The following PUM2 variants were observed in gnomAD, a reference collection of about 807,000 sequenced individuals.
The protein encoded by PUM2 is pumilio RNA binding family member 2.
Under a neutral mutation model 124.5 loss-of-function variants are expected in PUM2, and 57 were observed. The ratio of observed to expected loss-of-function variants is 0.46; its 90% CI spans 0.37 to 0.57. PUM2 has a LOEUF of 0.57. PUM2 is among the 20% of genes least tolerant of loss of function. The pLI is 0.00. For synonymous variants in PUM2, 460 were observed against 446.1 expected, an observed-to-expected ratio of 1.03 and a Z score of -0.39; for missense variants, 1,065 against 1,290.6, an observed-to-expected ratio of 0.83 and a Z score of 2.68.
intron 7 of PUM2, among the ~76,000 whole-genome samples, chr2:20,305,467 A>G (rs1572832146): frequency 6.8e-6 from 1 of 147,232 alleles, no homozygotes; most frequent in East Asian, 2.0e-4. Flanking sequence ...GTCTTCGAAA[A>G]AAAAAAAAAA....
intron 1 of PUM2, among the ~76,000 whole-genome samples, chr2:20,328,937 C>T (rs374140564): frequency 2.0e-5 from 3 of 152,016 alleles, no homozygotes; most frequent in Non-Finnish European, 2.9e-5. Context: ...TTTGGGAAGC[C>T]GAGGCAGGTG....
intron 10 of PUM2, among the ~76,000 whole-genome samples, chr2:20,285,451 G>A (rs1283947481): frequency 6.6e-6 from 1 of 152,172 alleles, no homozygotes; most frequent in Admixed American, 6.5e-5. Context: ...GTTGGTTCCT[G>A]GCTGTCTTTC....
intron 7 of PUM2, among the ~76,000 whole-genome samples, chr2:20,298,753 C>G (rs1676255571): frequency 6.6e-6 from 1 of 152,096 alleles, no homozygotes. Context: ...CGCTGGTAAT[C>G]CCAGCTACTC....
chr2:20,339,234 C>T (rs1439794312), intron 1 of PUM2, among the ~76,000 whole-genome samples: 2 of 151,784 alleles, frequency 1.3e-5, no homozygotes, highest in African/African-American at 4.8e-5. Context: ...TTATGTAATT[C>T]TGCATGCAAG....
chr2:20,266,821 C>A (rs945762702), intron 13 of PUM2, among the ~76,000 whole-genome samples: 1 of 151,828 alleles, frequency 6.6e-6, no homozygotes, highest in Non-Finnish European at 1.5e-5. Flanking sequence ...TGACAATGGG[C>A]CCCCATTGTC....
At chr2:20,264,855 T>C (rs1667264158) in intron 13 of PUM2, among the ~76,000 whole-genome samples, 1 of 152,212 alleles carries the variant, frequency 6.6e-6, no homozygotes, top group African/African-American at 2.4e-5. Context: ...AGTCAAATCC[T>C]GGAGAGTAAA....
At chr2:20,333,716 C>G (rs960077118) in intron 1 of PUM2, among the ~76,000 whole-genome samples, 2 of 152,072 alleles carry the variant, frequency 1.3e-5, no homozygotes, top group Non-Finnish European at 2.9e-5. Flanking sequence ...AGTTCAAGAC[C>G]AGCCCTTGCA....
chr2:20,260,574 C>A, intron 14 of PUM2, 108 bp from the exon 15 acceptor site: 1 of 1,014,894 alleles, frequency 9.9e-7, no homozygotes, highest in Non-Finnish European at 1.4e-6. Context: ...TAAATATTAC[C>A]ATACTTTATA....
At chr2:20,276,010 T>A (rs1670158983) in intron 13 of PUM2, among the ~76,000 whole-genome samples, 1 of 152,082 alleles carries the variant, frequency 6.6e-6, no homozygotes, top group Non-Finnish European at 1.5e-5. Context: ...GTAGTTATTG[T>A]TTTGAAATAG....
intron 3 of PUM2, among the ~76,000 whole-genome samples, chr2:20,316,121 T>C (rs760202647): frequency 7.2e-5 from 11 of 152,172 alleles, no homozygotes; most frequent in Non-Finnish European, 1.6e-4. Flanking sequence ...ATAATTTATC[T>C]TTATATTCTC....
At chr2:20,331,854 G>C (rs745769136) in intron 1 of PUM2, 1 of 152,142 alleles carries the variant, frequency 6.6e-6, no homozygotes, top group Non-Finnish European at 1.5e-5. Context: ...CATACCCCTA[G>C]TGTAGGAGTC....
rs1191101125 is a variant in PUM2, at chr2:20,283,151, G to C, written c.1516C>G (p.Pro506Ala). 1 of 1,614,048 alleles carries C rather than the reference G, an allele frequency of 6.2e-7. No individual in the cohort carries two copies. The highest frequency in any genetic ancestry group is 8.5e-7 in the Non-Finnish European group (1 of 1,180,004). ...NGLFRPIGTQ[P>A]PQQQQQQPST... The stretch of plus-strand genomic sequence containing the variant: ...GGCTGCTGTTGCTGCTGCTGTGGTG[G>C]CTGAGTGCCAATTGGCCGAAACAGA... Residue 506 changes from proline to alanine, a missense_variant, in exon 12 of 21, where the codon CCA becomes GCA. By Grantham distance (27) the Pro-to-Ala change is conservative. Around this residue, in one of 3 missense-constraint regions of PUM2, gnomAD observed 968 missense variants for 1,159.8 expected, o/e 0.83. Transcript: ENST00000361078.
At chr2:20,281,360 C>T (rs1671473047) in intron 12 of PUM2, among the ~76,000 whole-genome samples, 3 of 152,064 alleles carry the variant, frequency 2.0e-5, no homozygotes, top group South Asian at 2.1e-4. Context: ...GGAAAACAGC[C>T]TTAACTAAGA....
At chr2:20,279,406 T>G (rs566655447) in intron 12 of PUM2, among the ~76,000 whole-genome samples, 12 of 152,146 alleles carry the variant, frequency 7.9e-5, no homozygotes, top group Non-Finnish European at 1.6e-4. Context: ...CTACGCATTC[T>G]CCCTTGTTCT....
intron 16 of PUM2, among the ~76,000 whole-genome samples, chr2:20,257,526 A>C (rs1409959228): frequency 2.6e-5 from 4 of 152,162 alleles, no homozygotes; most frequent in East Asian, 1.9e-4. Context: ...TGGGGCTATA[A>C]ATTTCTTATT....
rs757852899 is a variant in PUM2, at chr2:20,327,365, T to C, written c.-5A>G. ...AGCTTGAAAATCATGATTCATTTCA[T>C]CCACAGATCAAACCTGTTGAATAAC... On this transcript the variant is annotated 5_prime_UTR_variant, in exon 2 of 21. It removes an upstream start codon present in the reference 5' UTR. Coordinates refer to ENST00000361078, the MANE Select transcript of PUM2 (RefSeq NM_015317.5). The C allele has an allele frequency of 9.5e-6, 15 of 1,576,980 alleles. No individual in the cohort carries two copies. The highest frequency in any genetic ancestry group is 8.4e-5 in the Admixed American group (5 of 59,506).
At chr2:20,337,938 A>G (rs973739422) in intron 1 of PUM2, among the ~76,000 whole-genome samples, 3 of 152,150 alleles carry the variant, frequency 2.0e-5, no homozygotes, top group African/African-American at 4.8e-5. Flanking sequence ...AGCAAAGTCA[A>G]TACTGCATCA....
At chr2:20,318,099 G>A (rs1337368572) in intron 3 of PUM2, among the ~76,000 whole-genome samples, 1 of 152,126 alleles carries the variant, frequency 6.6e-6, no homozygotes, top group Non-Finnish European at 1.5e-5. Flanking sequence ...TTACTTCTCT[G>A]AGGAATTGAC....
chr2:20,330,084 A>G (rs1197210596), intron 1 of PUM2, among the ~76,000 whole-genome samples: 1 of 152,178 alleles, frequency 6.6e-6, no homozygotes, highest in Non-Finnish European at 1.5e-5. Context: ...ATTGCCAGAA[A>G]AAAAAACAAC....
Sources: gnomAD v4.1 joint callset for allele counts (sites outside exome capture counted in the v4.1 genomes callset) on GRCh38, gnomAD v4.1.1 for gene constraint, gnomAD v4.1.1 regional missense constraint, MANE v1.5 for transcripts, NCBI Gene and HGNC (gene_info 2026-07-23, HGNC 2026-07-21) for gene names.